The following DYNLRB1 variants were observed in gnomAD, a reference collection of about 807,000 sequenced individuals.
DYNLRB1 encodes the protein dynein light chain roadblock-type 1.
Under a neutral mutation model 13.5 loss-of-function variants are expected in DYNLRB1, and 6 were observed. The ratio of observed to expected loss-of-function variants is 0.44; its 90% confidence interval spans 0.24 to 0.88. DYNLRB1 has a LOEUF of 0.88. DYNLRB1 is among the 40% of genes least tolerant of loss of function. DYNLRB1 has a pLI of 0.21. For missense variants in DYNLRB1, 93 were observed against 127.2 expected, an observed-to-expected ratio of 0.73 and a Z score of 1.29; for synonymous variants, 43 against 45.0, an observed-to-expected ratio of 0.96 and a Z score of 0.18.
chr20:34,529,190 G>T (rs902871144), intron 2 of DYNLRB1, among the ~76,000 whole-genome samples: 2 of 152,190 alleles, frequency 1.3e-5, no homozygotes, highest in African/African-American at 4.8e-5. Flanking sequence ...CATTATTGCG[G>T]CCACCTTTAC....
At chr20:34,534,462 G>A (rs1980962490) in intron 2 of DYNLRB1, among the ~76,000 whole-genome samples, 166 bp from the exon 3 acceptor site, 2 of 151,952 alleles carry the variant, frequency 1.3e-5, no homozygotes, top group Admixed American at 1.3e-4. Context: ...GCATGGCACT[G>A]GCATGCTTCG....
chr20:34,529,841 T>C, intron 2 of DYNLRB1: 1 of 1,507,250 alleles, frequency 6.6e-7, no homozygotes, highest in African/African-American at 1.4e-5. Context: ...ATGTGGTCAT[T>C]TCATTTACAG....
At chr20:34,537,763 G>A (rs973341816) in intron 3 of DYNLRB1, among the ~76,000 whole-genome samples, 1 of 152,138 alleles carries the variant, frequency 6.6e-6, no homozygotes, top group Non-Finnish European at 1.5e-5. Flanking sequence ...TGCTGGAAGT[G>A]CCCGTTTGAG....
chr20:34,519,201 C>T (rs144540967), intron 1 of DYNLRB1, among the ~76,000 whole-genome samples: 9 of 152,172 alleles, frequency 5.9e-5, no homozygotes, highest in East Asian at 3.9e-4. Context: ...GGATTATGGG[C>T]GTAAACCACC....
chr20:34,534,857 T>C, intron 3 of DYNLRB1, 62 bp downstream of exon 3: 1 of 1,610,810 alleles, frequency 6.2e-7, no homozygotes, highest in Non-Finnish European at 8.5e-7. Context: ...CTGTGGCTCA[T>C]CAGGAGTCCT....
chr20:34,531,521 T>C (rs1349856600), intron 2 of DYNLRB1, among the ~76,000 whole-genome samples: 1 of 152,206 alleles, frequency 6.6e-6, no homozygotes, highest in Admixed American at 6.5e-5. Context: ...GTTTTTGGAG[T>C]GAGCCAGTAG....
chr20:34,528,938 C>A (rs1334754551), intron 2 of DYNLRB1, among the ~76,000 whole-genome samples: 4 of 151,702 alleles, frequency 2.6e-5, no homozygotes, highest in African/African-American at 9.7e-5. Context: ...GCTTCTTGCT[C>A]AAAGCTTTGA....
intron 2 of DYNLRB1, among the ~76,000 whole-genome samples, chr20:34,532,552 A>G (rs889023652): frequency 1.3e-5 from 2 of 151,980 alleles, no homozygotes; most frequent in African/African-American, 4.8e-5. Flanking sequence ...GGTGGCTCCT[A>G]CCCCATCGCC....
chr20:34,529,466 C>T (rs918958133), intron 2 of DYNLRB1, among the ~76,000 whole-genome samples: 14 of 152,170 alleles, frequency 9.2e-5, no homozygotes, highest in East Asian at 3.9e-4. Context: ...TGGTGGCTCA[C>T]GCCTGTAATC....
At chr20:34,539,730 T>C (rs1437115147) in intron 3 of DYNLRB1, among the ~76,000 whole-genome samples, 5 of 152,076 alleles carry the variant, frequency 3.3e-5, no homozygotes, top group African/African-American at 1.2e-4. Context: ...TGGTCTTGAA[T>C]TCCTGACCTC....
intron 1 of DYNLRB1, among the ~76,000 whole-genome samples, 192 bp from the exon 2 acceptor site, chr20:34,526,076 G>A (rs536095887): frequency 2.3e-4 from 35 of 152,328 alleles, no homozygotes; most frequent in African/African-American, 6.3e-4. Flanking sequence ...GGGGGTGTGA[G>A]CGGATGCTCT....
At chr20:34,522,469 C>T (rs370395774) in intron 1 of DYNLRB1, among the ~76,000 whole-genome samples, 161 of 77,200 alleles carry the variant, frequency 2.1e-3, no homozygotes, top group African/African-American at 4.8e-3. Flanking sequence ...TTTTCTTTTT[C>T]TTTTTTTTTT....
intron 1 of DYNLRB1, among the ~76,000 whole-genome samples, chr20:34,519,127 G>A (rs1478358518): frequency 6.6e-6 from 1 of 151,930 alleles, no homozygotes; most frequent in African/African-American, 2.4e-5. Flanking sequence ...TCACCATGTT[G>A]ACCAGGCTGG....
At chr20:34,517,619 CATT>C (rs1253461235) in intron 1 of DYNLRB1, among the ~76,000 whole-genome samples, 5 of 144,964 alleles carry the variant, frequency 3.4e-5, no homozygotes, top group Middle Eastern at 3.6e-3. Context: ...CTTAAACATT[CATT>C]ATTTCTTTTT....
At chr20:34,533,868 G>A (rs944307808) in intron 2 of DYNLRB1, among the ~76,000 whole-genome samples, 5 of 151,440 alleles carry the variant, frequency 3.3e-5, no homozygotes, top group Admixed American at 1.3e-4. Context: ...AGGGTGCGAT[G>A]GCTCACGTCT....
chr20:34,530,167 C>T (rs1353453472), intron 2 of DYNLRB1: 2 of 1,192,422 alleles, frequency 1.7e-6, no homozygotes, highest in Non-Finnish European at 2.1e-6. Context: ...CTCATTCTTG[C>T]CTTAAAACTG....
At chr20:34,538,454 A>C (rs1242348545) in intron 3 of DYNLRB1, among the ~76,000 whole-genome samples, 1 of 152,056 alleles carries the variant, frequency 6.6e-6, no homozygotes, top group African/African-American at 2.4e-5. Context: ...AACAAAAAAA[A>C]CAGACTTCTA....
At chr20:34,525,754 A>G (rs1057177177) in intron 1 of DYNLRB1, among the ~76,000 whole-genome samples, 15 of 152,068 alleles carry the variant, frequency 9.9e-5, no homozygotes, top group Non-Finnish European at 2.1e-4. Context: ...AAGATTAATG[A>G]GCCCCTTCCC....
chr20:34,535,312 C>T (rs1981055602), intron 3 of DYNLRB1: 1 of 985,462 alleles, frequency 1.0e-6, no homozygotes, highest in Non-Finnish European at 1.2e-6. Context: ...CTTGTAAAGG[C>T]CAGGCCTGTC....
Sources: gnomAD v4.1 joint callset for allele counts (sites outside exome capture counted in the v4.1 genomes callset) on GRCh38, gnomAD v4.1.1 for gene constraint, MANE v1.5 for transcripts, NCBI Gene and HGNC (gene_info 2026-07-23, HGNC 2026-07-21) for gene names.